DUSP6: variants seen among roughly 807,000 people sequenced by gnomAD.
DUSP6 encodes the protein dual specificity protein phosphatase 6.
DUSP6 carries 6 observed loss-of-function variants against 28.0 expected under a neutral mutation model. The ratio of observed to expected loss-of-function variants is 0.21; its 90% CI spans 0.12 to 0.42. The LOEUF (loss-of-function observed/expected upper bound fraction) is 0.42. Ranked by LOEUF, DUSP6 falls within the 10% of genes least tolerant of loss-of-function variation. The probability of loss-of-function intolerance (pLI) is 1.00; values close to 1 mark genes in which losing one functional copy is unlikely to be tolerated. For missense variants in DUSP6, 451 were observed against 498.1 expected (o/e 0.91, Z 0.90); for synonymous variants, 252 against 217.5 (o/e 1.16, Z -1.40).
rs73448882 is a variant in DUSP6, at chr12:89,351,171, T to A, written c.401-146A>T. ...AACCATCTATAAGAGAAACACACTT[T>A]AAATGTGCACCATCGGGAATGGAAC... On this transcript the variant is annotated intron_variant, in intron 1 of 2. Transcript: ENST00000279488. 3.9e-4 allele frequency: 349 copies of A among 897,080 alleles called. 2 individuals are homozygous for A. In the African/African-American group the frequency reaches 5.6e-3, roughly 15 times the overall value. The allele number at this position is 897,080 out of a possible 1,614,324, so 55.6% of individuals were successfully genotyped here.
rs7306360 is a variant in DUSP6 at position 89,351,138 on chromosome 12, A to T, written c.401-113T>A. ...ACCACAAGCATCCTACGAACCCCCT[A>T]CATACAGAACCATCTATAAGAGAAA... is the stretch of plus-strand genomic sequence containing the variant. On this transcript the variant is annotated intron_variant, in intron 1 of 2. Transcript: ENST00000279488. 91,792 of 1,111,136 alleles carry T rather than the reference A, an allele frequency of 0.083. 4,892 individuals are homozygous for T. The highest frequency in any genetic ancestry group is 0.25 in the African/African-American group (15,644 of 63,608). The allele number at this position is 1,111,136 out of a possible 1,614,324, so 68.8% of individuals were successfully genotyped here.
Position 89,352,360 on chromosome 12 carries a change from C to T in DUSP6, c.-321G>A, listed in dbSNP as rs1879236068. 1.1e-5 allele frequency: 4 copies of T among 353,664 alleles called. No individual in the cohort carries two copies. Among genetic ancestry groups the T allele is most frequent in the Non-Finnish European group, 2.1e-5 (4 of 190,718 alleles). 21.9% of individuals were successfully genotyped at this position (353,664 alleles called of 1,614,324 possible). A position where few individuals can be genotyped will look rare whatever the true frequency, so the allele number is the denominator to read the frequency against. On this transcript the variant is annotated 5_prime_UTR_variant, in exon 1 of 3. Coordinates refer to ENST00000279488, the MANE Select transcript of DUSP6 (RefSeq NM_001946.4). ...CTACTGAGAGGGGAGGAAAAAAAGT[C>T]TAGCGGCTTCTAATCCCTCCCTCCA...
Position 89,350,632 on chromosome 12 carries a change from C to A in DUSP6, c.794G>T (p.Ser265Ile), listed in dbSNP as rs745664788. 2 of 1,614,100 alleles carry A rather than the reference C, an allele frequency of 1.2e-6. No individual in the cohort carries two copies. Among genetic ancestry groups the A allele is most frequent in the Non-Finnish European group, 1.7e-6 (2 of 1,179,974 alleles). ...AGGGAAAAACTGGGACAGGTTTTGG[C>A]TCCAGTGATCCGAGATGGGGATTTG... ...YKQIPISDHW[S>I]QNLSQFFPEA... Residue 265 changes from serine (S) to isoleucine (I), a missense_variant, in exon 2 of 3, where the codon AGC becomes ATC. Around this residue, in one of 2 missense-constraint regions of DUSP6, gnomAD observed 104 missense variants for 151.4 expected, o/e 0.69. Transcript: ENST00000279488.
rs1423631586 is a variant in DUSP6 at position 89,351,876 on chromosome 12, T to G, written c.164A>C (p.Asn55Thr). The G allele has an allele frequency of 1.2e-6, 2 of 1,612,632 alleles. No individual in the cohort carries two copies. Among genetic ancestry groups the G allele is most frequent in the Admixed American group, 3.3e-5 (2 of 60,010 alleles). The change falls in exon 1 of 3, where the codon AAC becomes ACC. Residue 55 changes from asparagine to threonine, a missense_variant. Around this residue, in one of 2 missense-constraint regions of DUSP6, gnomAD observed 347 missense variants for 346.6 expected, o/e 1.00. Transcript: ENST00000279488. ...CAGCATGATGCCCGGGATGGCCACG[T>G]TGATGGCCGACTCGATGTGCGACGA... Reference protein sequence around the residue: ...YESSHIESAINVAIPGIMLRR... With the variant: ...YESSHIESAITVAIPGIMLRR...
rs1428673906 is a variant in DUSP6 at position 89,347,294 on chromosome 12, G to A, written c.*1960C>T. On this transcript the variant is annotated 3_prime_UTR_variant, in exon 3 of 3. Coordinates refer to ENST00000279488, the MANE Select transcript of DUSP6 (RefSeq NM_001946.4). ...TGTGTATTTTTACATTTGAGGTAAG[G>A]AGAGGGTAGGTCCCAAGAAAAATGG... The A allele has an allele frequency of 6.6e-6, 1 of 152,188 alleles. No individual in the cohort carries two copies. Among genetic ancestry groups the A allele is most frequent in the African/African-American group, 2.4e-5 (1 of 41,428 alleles). The allele number at this position is 152,188 out of a possible 1,614,324, so 9.4% of individuals were successfully genotyped here.
In DUSP6 at chr12:89,352,380, C is replaced by T. The variant is rs1879237794; in HGVS notation, c.-341G>A. ...AAAGTCTAGCGGCTTCTAATCCCTC[C>T]CTCCAAGGCTGCACCTCAAATCTAC... On this transcript the variant is annotated 5_prime_UTR_variant, in exon 1 of 3. Transcript: ENST00000279488. 2 of 299,994 alleles carry T rather than the reference C, an allele frequency of 6.7e-6. No homozygotes were observed. Among genetic ancestry groups the T allele is most frequent in the South Asian group, 5.1e-5 (1 of 19,736 alleles). The allele number at this position is 299,994 out of a possible 1,614,324, so 18.6% of individuals were successfully genotyped here. A position where few individuals can be genotyped will look rare whatever the true frequency, so the allele number is the denominator to read the frequency against.
At chr12:89,349,822 C>T (rs543943390) in intron 2 of DUSP6, among the ~76,000 whole-genome samples, 5 of 152,294 alleles carry the variant, frequency 3.3e-5, no homozygotes, top group Non-Finnish European at 5.9e-5. Context: ...GCATTCTTTG[C>T]CTCGGCATGT....
Position 89,347,903 on chromosome 12 carries a change from CGAT to C in DUSP6, c.*1348_*1350del, listed in dbSNP as rs1350403075. 6.6e-6 allele frequency: 1 copy of C among 152,112 alleles called. No individual in the cohort carries two copies. Among genetic ancestry groups the C allele is most frequent in the East Asian group, 1.9e-4 (1 of 5,204 alleles). 9.4% of individuals were successfully genotyped at this position (152,112 alleles called of 1,614,324 possible). A position where few individuals can be genotyped will look rare whatever the true frequency, so the allele number is the denominator to read the frequency against. ...GGATGTCATCTTTATTCGTGGCAAA[CGAT>C]GAATTTCATAAACTGCTGCTGAAAA... is the stretch of plus-strand genomic sequence containing the variant. On this transcript the variant is annotated 3_prime_UTR_variant, in exon 3 of 3. Coordinates refer to ENST00000279488, the MANE Select transcript of DUSP6 (RefSeq NM_001946.4).
Position 89,352,314 on chromosome 12 carries a change from C to G in DUSP6, c.-275G>C. 2.0e-6 allele frequency: 1 copy of G among 500,808 alleles called. No individual in the cohort carries two copies. The highest frequency in any genetic ancestry group is 2.8e-5 in the South Asian group (1 of 36,286). 31.0% of individuals were successfully genotyped at this position (500,808 alleles called of 1,614,324 possible). On this transcript the variant is annotated 5_prime_UTR_variant, in exon 1 of 3. Coordinates refer to ENST00000279488, the MANE Select transcript of DUSP6 (RefSeq NM_001946.4). ...TTTGTTCCTCCCCAGTGAATGAAAT[C>G]CAATTAATTCGGACTCCGTGCTACT...
chr12:89,351,476 C>A (rs1879185492), intron 1 of DUSP6, 164 bp downstream of exon 1: 4 of 1,189,718 alleles, frequency 3.4e-6, no homozygotes, highest in Non-Finnish European at 3.4e-6. Context: ...TGGTGCGGAA[C>A]GCGCGGTTCG....
chr12:89,350,488 C>G (rs1879143992), intron 2 of DUSP6, 100 bp downstream of exon 2: 1 of 1,241,924 alleles, frequency 8.1e-7, no homozygotes, highest in East Asian at 2.3e-5. Flanking sequence ...TGCAGTCAGA[C>G]AAATTAGCAA....
chr12:89,352,448 A>C lies in DUSP6; in HGVS notation c.-409T>G. ...CGGATTATTTAAGACTCGATTTGCT[A>C]TCTCTTGGACTCAGCCTCGCACACC... On this transcript the variant is annotated 5_prime_UTR_variant, in exon 1 of 3. Coordinates refer to ENST00000279488, the MANE Select transcript of DUSP6 (RefSeq NM_001946.4). 5.0e-6 allele frequency: 1 copy of C among 199,410 alleles called. No individual in the cohort carries two copies. Among genetic ancestry groups the C allele is most frequent in the East Asian group, 1.2e-4 (1 of 8,432 alleles). The allele number at this position is 199,410 out of a possible 1,614,324, so 12.4% of individuals were successfully genotyped here. A position where few individuals can be genotyped will look rare whatever the true frequency, so the allele number is the denominator to read the frequency against.
chr12:89,350,936 C>G lies in DUSP6; in HGVS notation c.490G>C (p.Val164Leu). Residue 164 changes from valine (V) to leucine (L), a missense_variant, in exon 2 of 3, where the codon GTG (valine) becomes CTG (leucine). Physicochemically the swap from Val to Leu is conservative, Grantham distance 32. Transcript: ENST00000279488. ...SCSSSSPPLP[V>L]LGLGGLRISS... The stretch of plus-strand genomic sequence containing the variant: ...ATCCGCAGGCCCCCGAGCCCCAGCA[C>G]TGGCAACGGCGGCGAGCTGCTGCTA... The G allele has an allele frequency of 6.2e-7, 1 of 1,613,702 alleles. No homozygotes were observed.
At position 89,348,110 on chromosome 12, in the gene DUSP6, A is replaced by G. The variant is rs1244742888; in HGVS notation, c.*1144T>C. 6.6e-6 allele frequency: 1 copy of G among 152,662 alleles called. No individual in the cohort carries two copies. The highest frequency in any genetic ancestry group is 1.5e-5 in the Non-Finnish European group (1 of 68,040). 9.5% of individuals were successfully genotyped at this position (152,662 alleles called of 1,614,324 possible). ...TAATAATTTAAGGTTTTACATTCTT[A>G]TAATAAATTCCAGCTCTAAACTTTA... On this transcript the variant is annotated 3_prime_UTR_variant, in exon 3 of 3. Transcript: ENST00000279488.
At chr12:89,351,485 C>T in intron 1 of DUSP6, 155 bp downstream of exon 1, 1 of 1,276,514 alleles carries the variant, frequency 7.8e-7, no homozygotes, top group Non-Finnish European at 1.0e-6. Context: ...ACGCGCGGTT[C>T]GCGGCCCCTA....
chr12:89,352,339 TGA>T lies in DUSP6; in HGVS notation c.-302_-301del. 1.7e-5 allele frequency: 7 copies of T among 409,698 alleles called. No homozygotes were observed. Among genetic ancestry groups the T allele is most frequent in the Non-Finnish European group, 4.4e-6 (1 of 224,738 alleles). The allele number at this position is 409,698 out of a possible 1,614,324, so 25.4% of individuals were successfully genotyped here. ...CCAATTAATTCGGACTCCGTGCTACTGAGAGGGGAGGAAAAAAAGTCTAGCGG... is the reference window on the plus strand; with the variant it reads ...CCAATTAATTCGGACTCCGTGCTACTGAGGGGAGGAAAAAAAGTCTAGCGG... On this transcript the variant is annotated 5_prime_UTR_variant, in exon 1 of 3. Coordinates refer to ENST00000279488, the MANE Select transcript of DUSP6 (RefSeq NM_001946.4).
At position 89,349,102 on chromosome 12, in the gene DUSP6, C is replaced by T; in HGVS notation, c.*152G>A. On this transcript the variant is annotated 3_prime_UTR_variant, in exon 3 of 3. Coordinates refer to ENST00000279488, the MANE Select transcript of DUSP6 (RefSeq NM_001946.4). ...GAGCAAATCTCTCTGTTAGTATTAA[C>T]CAATTCCGCACTTGGTAACCTTGTC... 1 of 774,312 alleles carries T rather than the reference C, an allele frequency of 1.3e-6. No homozygotes were observed. The highest frequency in any genetic ancestry group is 2.0e-6 in the Non-Finnish European group (1 of 488,174). The allele number at this position is 774,312 out of a possible 1,614,324, so 48.0% of individuals were successfully genotyped here. A position where few individuals can be genotyped will look rare whatever the true frequency, so the allele number is the denominator to read the frequency against.
rs1457774494 is a variant in DUSP6, at chr12:89,349,488, A to T, written c.912T>A (p.Thr304=). Residue 304 remains threonine (T), a synonymous_variant, in exon 3 of 3, where the codon ACT becomes ACA. Transcript: ENST00000279488. The stretch of plus-strand genomic sequence containing the variant: ...TGAGCTTCTGCATAAGGTAAGCCAC[A>T]GTCACAGTGACTGAGCGGCTAATGC... The part of the protein sequence containing the change: ...LAGISRSVTV[T]VAYLMQKLNL... 6.2e-7 allele frequency: 1 copy of T among 1,614,068 alleles called. No homozygotes were observed. Among genetic ancestry groups the T allele is most frequent in the East Asian group, 2.2e-5 (1 of 44,904 alleles).
At chr12:89,349,701 T>C (rs1185441510) in intron 2 of DUSP6, 140 bp from the exon 3 acceptor site, 3 of 621,440 alleles carry the variant, frequency 4.8e-6, no homozygotes, top group African/African-American at 3.7e-5. Flanking sequence ...CAGCAGAAAA[T>C]GTATCACTGA....
Sources: allele counts gnomAD v4.1 joint callset (sites outside exome capture counted in the v4.1 genomes callset), GRCh38; gene constraint gnomAD v4.1.1; regional missense constraint gnomAD v4.1.1; transcripts MANE v1.5; gene names NCBI Gene and HGNC (gene_info 2026-07-23, HGNC 2026-07-21).